TAFA5: variants seen among roughly 807,000 people sequenced by gnomAD.
The protein encoded by TAFA5 is chemokine-like protein TAFA-5.
TAFA5 carries 6 observed loss-of-function variants against 15.3 expected under a neutral mutation model. The observed-to-expected ratio is 0.39, with a 90% CI of 0.21 to 0.77. The LOEUF (loss-of-function observed/expected upper bound fraction) is 0.77. Ranked by LOEUF, TAFA5 falls within the 30% of genes least tolerant of loss-of-function variation. The pLI, the probability that TAFA5 is intolerant of heterozygous loss-of-function variation, is 0.41. For synonymous variants in TAFA5, 103 were observed against 80.7 expected, an observed-to-expected ratio of 1.28 and a Z score of -1.48; for missense variants, 161 against 193.1, an observed-to-expected ratio of 0.83 and a Z score of 0.98.
At chr22:48,610,494 G>C (rs1300284373) in intron 1 of TAFA5, among the ~76,000 whole-genome samples, 1 of 152,218 alleles carries the variant, frequency 6.6e-6, no homozygotes, top group Non-Finnish European at 1.5e-5. Flanking sequence ...GGCTCCCGGG[G>C]TGGTGAGGGA....
intron 1 of TAFA5, among the ~76,000 whole-genome samples, chr22:48,624,625 C>T (rs1601624046): frequency 6.6e-6 from 1 of 152,144 alleles, no homozygotes; most frequent in African/African-American, 2.4e-5. Flanking sequence ...CATGGGCGCT[C>T]CCCCTGGCAC....
At position 48,597,996 on chromosome 22, in the gene TAFA5, C is replaced by T. The variant is rs115374675; in HGVS notation, c.113-48601C>T. 8.0e-3 allele frequency among the ~76,000 whole-genome samples: 1,222 copies of T among 152,280 alleles called. 19 individuals are homozygous for T. The highest frequency in any genetic ancestry group is 0.027 in the African/African-American group (1,126 of 41,548). ...GTACCTGTCAGGGTTCTTCAGAGAA[C>T]GGAACCAATGGGACTTCGAGAGAGC... is the stretch of plus-strand genomic sequence containing the variant. On this transcript the variant is annotated intron_variant, in intron 1 of 3. Coordinates refer to ENST00000402357, the MANE Select transcript of TAFA5 (RefSeq NM_001082967.3).
chr22:48,522,155 A>C (rs764327363), intron 1 of TAFA5, among the ~76,000 whole-genome samples: 1 of 151,830 alleles, frequency 6.6e-6, no homozygotes, highest in Non-Finnish European at 1.5e-5. Flanking sequence ...GAAGCTGGAG[A>C]TGGGCAGCCC....
intron 2 of TAFA5, among the ~76,000 whole-genome samples, chr22:48,686,973 G>T (rs1465702592): frequency 6.6e-6 from 1 of 151,452 alleles, no homozygotes; most frequent in East Asian, 2.0e-4. Context: ...TGAGTGAATT[G>T]ATGGATGGGA....
At chr22:48,708,495 G>A (rs779986683) in intron 3 of TAFA5, among the ~76,000 whole-genome samples, 21 of 152,208 alleles carry the variant, frequency 1.4e-4, no homozygotes, top group Non-Finnish European at 2.4e-4. Context: ...TTCTGAAGGC[G>A]GCGCCTCCAG....
intron 2 of TAFA5, among the ~76,000 whole-genome samples, chr22:48,653,197 C>T (rs1927116487): frequency 6.6e-6 from 1 of 152,220 alleles, no homozygotes; most frequent in Admixed American, 6.5e-5. Flanking sequence ...GTTGGCGACA[C>T]TTTCTTCCCC....
intron 1 of TAFA5, among the ~76,000 whole-genome samples, chr22:48,589,765 G>A (rs988471246): frequency 6.6e-6 from 1 of 152,130 alleles, no homozygotes; most frequent in Non-Finnish European, 1.5e-5. Context: ...AGGAGCACCC[G>A]CAGCCATCAG....
At chr22:48,617,640 ATGGCAGAGTC>A (rs1204612923) in intron 1 of TAFA5, among the ~76,000 whole-genome samples, 5 of 152,212 alleles carry the variant, frequency 3.3e-5, no homozygotes, top group Admixed American at 3.3e-4. Flanking sequence ...AGGAGAGAGA[ATGGCAGAGTC>A]TGTCTCCGCG....
At chr22:48,699,340 G>A (rs1467261772) in intron 2 of TAFA5, among the ~76,000 whole-genome samples, 1 of 152,084 alleles carries the variant, frequency 6.6e-6, no homozygotes, top group Non-Finnish European at 1.5e-5. Context: ...CTTACCAGGC[G>A]GTAAAACTGG....
chr22:48,720,197 A>C (rs761812126), intron 3 of TAFA5, among the ~76,000 whole-genome samples: 2 of 152,056 alleles, frequency 1.3e-5, no homozygotes, highest in Non-Finnish European at 2.9e-5. Context: ...CTGGTCAGAA[A>C]GTTACGTTAC....
intron 3 of TAFA5, among the ~76,000 whole-genome samples, chr22:48,740,963 C>T (rs973512930): frequency 6.6e-6 from 1 of 152,156 alleles, no homozygotes; most frequent in Non-Finnish European, 1.5e-5. Context: ...CGCAGGGCCC[C>T]GAGTCAGCGC....
At chr22:48,727,946 ATAAAT>A (rs1362494327) in intron 3 of TAFA5, among the ~76,000 whole-genome samples, 1 of 152,214 alleles carries the variant, frequency 6.6e-6, no homozygotes, top group South Asian at 2.1e-4. Flanking sequence ...ACAATTACAA[ATAAAT>A]TATATGATCA....
At chr22:48,627,960 T>G (rs992979881) in intron 1 of TAFA5, among the ~76,000 whole-genome samples, 1 of 152,136 alleles carries the variant, frequency 6.6e-6, no homozygotes, top group Non-Finnish European at 1.5e-5. Context: ...CTTACCTTAC[T>G]CCCACCATCC....
chr22:48,708,628 A>G (rs1387866938), intron 3 of TAFA5, among the ~76,000 whole-genome samples: 2 of 152,124 alleles, frequency 1.3e-5, no homozygotes, highest in Admixed American at 1.3e-4. Flanking sequence ...AGCGAGTGGC[A>G]CCCCCTCATC....
chr22:48,582,607 G>GCCACACACAAAATACACCACACA (rs1924105139), intron 1 of TAFA5, among the ~76,000 whole-genome samples: 1 of 27,658 alleles, frequency 3.6e-5, no homozygotes, highest in Non-Finnish European at 7.5e-5. Context: ...TACACCACAC[G>GCCACACACAAAATACACCACACA]CCACACACAA....
intron 1 of TAFA5, among the ~76,000 whole-genome samples, chr22:48,639,385 A>C (rs922437035): frequency 6.6e-5 from 10 of 152,200 alleles, no homozygotes; most frequent in African/African-American, 2.4e-4. Flanking sequence ...GTGCCTGTCA[A>C]AGTCATTTTG....
At chr22:48,724,648 C>A (rs1416959933) in intron 3 of TAFA5, among the ~76,000 whole-genome samples, 2 of 152,136 alleles carry the variant, frequency 1.3e-5, no homozygotes, top group African/African-American at 2.4e-5. Context: ...GGAAAGCCCC[C>A]TGGGGCTCAA....
At chr22:48,493,039 T>C (rs9615335) in intron 1 of TAFA5, among the ~76,000 whole-genome samples, 9,772 of 152,268 alleles carry the variant, frequency 0.064, 420 homozygotes, top group Middle Eastern at 0.088. Context: ...ATGTGATCTT[T>C]CCACCCTGGC....
At chr22:48,612,334 C>T (rs1045991632) in intron 1 of TAFA5, among the ~76,000 whole-genome samples, 4 of 152,218 alleles carry the variant, frequency 2.6e-5, no homozygotes, top group African/African-American at 7.2e-5. Flanking sequence ...TGTGAGATCA[C>T]GGCAGGCCAC....
Sources: allele counts gnomAD v4.1 joint callset (sites outside exome capture counted in the v4.1 genomes callset), GRCh38; gene constraint gnomAD v4.1.1; transcripts MANE v1.5; gene names NCBI Gene and HGNC (gene_info 2026-07-23, HGNC 2026-07-21).